FGD4: variants seen among roughly 807,000 people sequenced by gnomAD.
The protein encoded by FGD4 is FYVE, RhoGEF and PH domain containing 4, also known as FYVE, RhoGEF and PH domain-containing protein 4.
Under a neutral mutation model 102.0 loss-of-function variants are expected in FGD4, and 42 were observed. The ratio of observed to expected loss-of-function variants is 0.41; its 90% CI spans 0.32 to 0.53. The LOEUF (loss-of-function observed/expected upper bound fraction) is 0.53. Ranked by LOEUF, FGD4 falls within the 20% of genes least tolerant of loss-of-function variation. FGD4 has a pLI of 0.21. For synonymous variants in FGD4, 380 were observed against 375.7 expected, an observed-to-expected ratio of 1.01 and a Z score of -0.13; for missense variants, 902 against 1,078.2, an observed-to-expected ratio of 0.84 and a Z score of 2.29.
chr12:32,625,109 C>T, intron 13 of FGD4, 41 bp downstream of exon 13: 1 of 1,503,948 alleles, frequency 6.6e-7, no homozygotes, highest in Non-Finnish European at 9.2e-7. Context: ...TCTTTCATAT[C>T]TTTGCAGGTG....
chr12:32,520,295 G>T (rs1391696437), intron 1 of FGD4, among the ~76,000 whole-genome samples: 1 of 152,076 alleles, frequency 6.6e-6, no homozygotes, highest in Admixed American at 6.6e-5. Context: ...GCTTTAAAGA[G>T]ATTTTAAATG....
At chr12:32,615,991 C>A (rs1469386104) in intron 10 of FGD4, among the ~76,000 whole-genome samples, 1 of 152,062 alleles carries the variant, frequency 6.6e-6, no homozygotes, top group Non-Finnish European at 1.5e-5. Flanking sequence ...CTGGGAGGGG[C>A]AGTCCTGTCA....
intron 10 of FGD4, among the ~76,000 whole-genome samples, chr12:32,612,257 T>C (rs767108643): frequency 1.3e-5 from 2 of 152,198 alleles, no homozygotes; most frequent in Non-Finnish European, 2.9e-5. Flanking sequence ...TGCCTAGAAA[T>C]GCTCCCATTG....
intron 3 of FGD4, among the ~76,000 whole-genome samples, 196 bp downstream of exon 3, chr12:32,576,645 T>C (rs543106084): frequency 1.3e-5 from 2 of 152,346 alleles, no homozygotes; most frequent in East Asian, 3.9e-4. Flanking sequence ...TACTATGTAT[T>C]AGCTAGGTAC....
intron 1 of FGD4, among the ~76,000 whole-genome samples, chr12:32,561,662 G>C (rs890012000): frequency 1.3e-5 from 2 of 152,170 alleles, no homozygotes; most frequent in Admixed American, 6.5e-5. Flanking sequence ...CTGAAGCAGA[G>C]TCAGTGGTCT....
intron 3 of FGD4, among the ~76,000 whole-genome samples, chr12:32,576,982 GT>G (rs139614716): frequency 0.011 from 1,713 of 151,954 alleles, 26 homozygotes; most frequent in Non-Finnish European, 0.016. Context: ...CATATGCTAG[GT>G]TTTGCAAAGA....
chr12:32,506,306 A>G lies in FGD4; in HGVS notation c.167-57831A>G, dbSNP rs56015953. 9.9e-3 allele frequency among the ~76,000 whole-genome samples: 1,457 copies of G among 146,882 alleles called. 22 individuals carry two copies. Among genetic ancestry groups the G allele is most frequent in the African/African-American group, 0.037 (1,371 of 37,514 alleles). On this transcript the variant is annotated intron_variant, in intron 1 of 16. Transcript: ENST00000534526. This position sits in a 1 kb window ranked among gnomAD's most constrained non-coding sequence, Gnocchi z 4.5. ...AAACAGTTTGTCATTATAAATACCA[A>G]GCTTTTAAAAAACATTAACTGCCAA...
intron 1 of FGD4, among the ~76,000 whole-genome samples, chr12:32,518,678 G>A (rs2136716799): frequency 6.6e-6 from 1 of 152,278 alleles, no homozygotes; most frequent in East Asian, 1.9e-4. Flanking sequence ...TGGTTAAGTG[G>A]ACTGAGATGA....
At chr12:32,582,851 A>T (rs1032022594) in intron 4 of FGD4, 1 of 203,370 alleles carries the variant, frequency 4.9e-6, no homozygotes, top group African/African-American at 2.3e-5. Flanking sequence ...TGTTGTTCAG[A>T]AGTTTCTAAT....
chr12:32,531,014 C>T (rs1344741098), intron 1 of FGD4, among the ~76,000 whole-genome samples: 2 of 120,530 alleles, frequency 1.7e-5, no homozygotes, highest in Admixed American at 1.2e-4. Context: ...TGCAGTGGTG[C>T]GATCGCGGCT....
At chr12:32,567,607 G>A (rs1945297555) in intron 2 of FGD4, among the ~76,000 whole-genome samples, 1 of 151,154 alleles carries the variant, frequency 6.6e-6, no homozygotes, top group Admixed American at 6.6e-5. Context: ...CTCTCACCTA[G>A]ATAAAAATAA....
At chr12:32,505,399 C>T (rs1403502487) in intron 1 of FGD4, among the ~76,000 whole-genome samples, 2 of 152,178 alleles carry the variant, frequency 1.3e-5, no homozygotes, top group Admixed American at 6.5e-5. Context: ...TAGCTCAAAG[C>T]TGGTTTCATT....
Position 32,618,524 on chromosome 12 carries a change from A to G in FGD4, c.1750-1174A>G, listed in dbSNP as rs918348554. Among the ~76,000 whole-genome samples the G allele has an allele frequency of 1.3e-5, 2 of 152,150 alleles. 1 individual carries two copies. The highest frequency in any genetic ancestry group is 4.1e-4 in the South Asian group (2 of 4,832). ...CTATTTTTTAAAAGCTTAACATTAA[A>G]CAGTCTGGTTTAAAAAAAAAATTGC... On this transcript the variant is annotated intron_variant, in intron 10 of 16. Transcript: ENST00000534526.
intron 1 of FGD4, among the ~76,000 whole-genome samples, chr12:32,503,646 T>C (rs1938425811): frequency 6.6e-6 from 1 of 152,216 alleles, no homozygotes. Context: ...AAAATTAGTT[T>C]AGCTACATAC....
chr12:32,461,925 C>T (rs1406725659), intron 1 of FGD4, among the ~76,000 whole-genome samples: 2 of 151,958 alleles, frequency 1.3e-5, no homozygotes, highest in African/African-American at 4.8e-5. Context: ...CGGGCTTTCA[C>T]CATCTTGGCC....
intron 2 of FGD4, chr12:32,574,993 TG>T (rs1333018776): frequency 1.3e-5 from 2 of 152,342 alleles, no homozygotes; most frequent in African/African-American, 4.8e-5. Context: ...AAAGTAATAC[TG>T]GTTTTCAAAA....
At chr12:32,489,137 A>T (rs918275824) in intron 1 of FGD4, among the ~76,000 whole-genome samples, 1 of 151,874 alleles carries the variant, frequency 6.6e-6, no homozygotes, top group African/African-American at 2.4e-5. Flanking sequence ...CTCTTTTTGT[A>T]TTTCATGCAT....
intron 12 of FGD4, 40 bp downstream of exon 12, chr12:32,624,492 T>TC (rs1474008609): frequency 6.5e-7 from 1 of 1,533,150 alleles, no homozygotes; most frequent in South Asian, 1.2e-5. Context: ...CTTTTTTTTT[T>TC]TGAGGCAGAG....
chr12:32,536,024 T>G (rs1180359324), intron 1 of FGD4, among the ~76,000 whole-genome samples: 1 of 152,172 alleles, frequency 6.6e-6, no homozygotes, highest in Non-Finnish European at 1.5e-5. Flanking sequence ...ATAATTTTGT[T>G]AAATCATCTA....
Sources: gnomAD v4.1 joint callset for allele counts (sites outside exome capture counted in the v4.1 genomes callset) on GRCh38, gnomAD v4.1.1 for gene constraint, Gnocchi (gnomAD v3.1) non-coding constraint, MANE v1.5 for transcripts, NCBI Gene and HGNC (gene_info 2026-07-23, HGNC 2026-07-21) for gene names.